Variants in CDK13 observed in about 807,000 individuals in gnomAD.
The protein encoded by CDK13 is cyclin-dependent kinase 13.
In CDK13, 40 loss-of-function variants were observed where a neutral mutation model predicts 137.6. The observed-to-expected ratio is 0.29, with a 90% CI of 0.23 to 0.38. The LOEUF is 0.38. Among genes scored for constraint, CDK13 ranks in the 10% least tolerant of loss-of-function variants. The probability of loss-of-function intolerance (pLI) is 1.00; values close to 1 mark genes in which losing one functional copy is unlikely to be tolerated. For missense variants in CDK13, 1,704 were observed against 1,951.8 expected, an observed-to-expected ratio of 0.87 and a Z score of 2.39; for synonymous variants, 869 against 760.1, an observed-to-expected ratio of 1.14 and a Z score of -2.36.
intron 9 of CDK13, chr7:40,072,313 G>C (rs750110894): frequency 6.6e-6 from 1 of 152,250 alleles, no homozygotes; most frequent in African/African-American, 2.4e-5. Flanking sequence ...TTTCAGTAGA[G>C]ACAGGGTTTT....
intron 5 of CDK13, among the ~76,000 whole-genome samples, chr7:40,029,486 C>T (rs1471676701): frequency 6.6e-6 from 1 of 151,650 alleles, no homozygotes; most frequent in Non-Finnish European, 1.5e-5. Context: ...CTTTGGGAGG[C>T]TGAGGTGGGC....
Position 39,988,010 on chromosome 7 carries a change from A to G in CDK13, c.1623A>G (p.Pro541=). The G allele has an allele frequency of 6.2e-7, 1 of 1,614,116 alleles. No homozygotes were observed. Among genetic ancestry groups the G allele is most frequent in the Non-Finnish European group, 8.5e-7 (1 of 1,179,984 alleles). ...TLKNDKAKTK[P]PLQVTKVENN... ...AAAATGACAAAGCAAAAACAAAGCC[A>G]CCTCTTCAGGTAACGAAGGTGGAAA... Residue 541 remains proline, a synonymous_variant, in exon 2 of 14, where the codon CCA becomes CCG. Transcript: ENST00000181839.
intron 11 of CDK13, 65 bp from the exon 12 acceptor site, chr7:40,088,061 A>G: frequency 1.5e-6 from 2 of 1,373,812 alleles, no homozygotes; most frequent in Non-Finnish European, 2.0e-6. Context: ...TTGTTGCTAT[A>G]TAGTAACTGT....
chr7:39,982,631 A>C (rs1310900782), intron 1 of CDK13, among the ~76,000 whole-genome samples: 2 of 152,210 alleles, frequency 1.3e-5, no homozygotes, highest in East Asian at 1.9e-4. Flanking sequence ...CAGTCACACC[A>C]ACAGTGTAAA....
chr7:40,017,455 G>A (rs955007595), intron 5 of CDK13, among the ~76,000 whole-genome samples: 16 of 152,050 alleles, frequency 1.1e-4, no homozygotes, highest in Admixed American at 2.0e-4. Flanking sequence ...CTGAAGCACA[G>A]TATATTATTG....
chr7:40,083,131 T>C (rs1280588610), intron 11 of CDK13, among the ~76,000 whole-genome samples: 1 of 149,996 alleles, frequency 6.7e-6, no homozygotes, highest in South Asian at 2.1e-4. Flanking sequence ...AAGATTCTAA[T>C]GACCTTCTAG....
chr7:40,031,690 C>T (rs190702497), intron 5 of CDK13, among the ~76,000 whole-genome samples: 3 of 151,922 alleles, frequency 2.0e-5, no homozygotes, highest in Admixed American at 6.6e-5. Context: ...CTGTCATCCA[C>T]GCTGGAGTGT....
chr7:39,967,784 A>T (rs1018623057), intron 1 of CDK13, among the ~76,000 whole-genome samples: 21 of 152,264 alleles, frequency 1.4e-4, no homozygotes, highest in African/African-American at 4.6e-4. Flanking sequence ...AGCCATTCTA[A>T]CAGGTGGGAG....
intron 5 of CDK13, among the ~76,000 whole-genome samples, chr7:40,011,576 ATAT>A (rs1784895258): frequency 4.6e-5 from 7 of 152,330 alleles, no homozygotes; most frequent in Admixed American, 3.9e-4. Context: ...GGATAACTGG[ATAT>A]CCACACACAG....
chr7:39,992,415 C>G (rs1196615548), intron 2 of CDK13, among the ~76,000 whole-genome samples: 1 of 152,016 alleles, frequency 6.6e-6, no homozygotes, highest in Non-Finnish European at 1.5e-5. Flanking sequence ...CCAGGCTGGT[C>G]TCAAACCCCT....
chr7:40,030,039 C>T (rs1025983600), intron 5 of CDK13, among the ~76,000 whole-genome samples: 6 of 152,142 alleles, frequency 3.9e-5, no homozygotes, highest in African/African-American at 1.4e-4. Context: ...ATTGCATCCC[C>T]TACCCCTTTT....
chr7:39,971,898 A>G (rs1784007161), intron 1 of CDK13, among the ~76,000 whole-genome samples: 1 of 150,812 alleles, frequency 6.6e-6, no homozygotes, highest in Non-Finnish European at 1.5e-5. Flanking sequence ...ATGAAAAACA[A>G]AAAAAACAAA....
intron 7 of CDK13, among the ~76,000 whole-genome samples, chr7:40,055,156 CTGTGTGTGTGTGTGTGTG>C (rs56001601): frequency 1.4e-5 from 2 of 140,338 alleles, no homozygotes; most frequent in Non-Finnish European, 3.1e-5. Context: ...GGCAGAAGGA[CTGTGTGTGTGTGTGTGTG>C]TGTGTGTGTG....
Position 39,997,743 on chromosome 7 carries a change from T to C in CDK13, c.2042+79T>C. On this transcript the variant is annotated intron_variant, in intron 3 of 13. Transcript: ENST00000181839. The stretch of plus-strand genomic sequence containing the variant: ...ATCAGAAGTTCATAAAACACTAAAT[T>C]AAGGTTTAAAATAAAAAATGTACTT... The C allele has an allele frequency of 2.9e-6, 3 of 1,051,380 alleles. No individual in the cohort carries two copies. In the South Asian group the frequency reaches 4.3e-5, roughly 15 times the overall value. 65.1% of individuals were successfully genotyped at this position (1,051,380 alleles called of 1,614,324 possible).
Position 39,950,832 on chromosome 7 carries a change from C to T in CDK13, c.191C>T (p.Pro64Leu). The T allele has an allele frequency of 7.2e-7, 1 of 1,390,184 alleles. No homozygotes were observed. Among genetic ancestry groups the T allele is most frequent in the Non-Finnish European group, 9.2e-7 (1 of 1,082,510 alleles). The allele number at this position is 1,390,184 out of a possible 1,614,324, so 86.1% of individuals were successfully genotyped here. A position where few individuals can be genotyped will look rare whatever the true frequency, so the allele number is the denominator to read the frequency against. ...PPPPLLFLAA[P>L]GTAAAAAAAA... ...CCGCCTCTGCTCTTCCTGGCTGCTC[C>T]CGGCACGGCCGCCGCCGCAGCCGCC... Residue 64 changes from proline (P) to leucine (L), a missense_variant, in exon 1 of 14, where the codon CCC (proline) becomes CTC (leucine). Physicochemically the swap from Pro to Leu is moderately conservative, Grantham distance 98 (BLOSUM62 -3). This residue lies in a region of CDK13 where 1,051 missense variants were observed against 931.0 expected (regional missense o/e 1.13). Coordinates refer to ENST00000181839, the MANE Select transcript of CDK13 (RefSeq NM_003718.5).
At chr7:40,058,343 T>G (rs1786065638) in intron 7 of CDK13, among the ~76,000 whole-genome samples, 1 of 152,062 alleles carries the variant, frequency 6.6e-6, no homozygotes, top group East Asian at 1.9e-4. Flanking sequence ...AAGCAAGCAG[T>G]TGATACCTGG....
At chr7:40,037,807 T>A (rs1043567285) in intron 5 of CDK13, among the ~76,000 whole-genome samples, 1 of 152,192 alleles carries the variant, frequency 6.6e-6, no homozygotes, top group Non-Finnish European at 1.5e-5. Context: ...AAAGTAACAA[T>A]GCTGATATTA....
At chr7:40,034,062 A>G (rs1348044089) in intron 5 of CDK13, among the ~76,000 whole-genome samples, 1 of 152,178 alleles carries the variant, frequency 6.6e-6, no homozygotes, top group Non-Finnish European at 1.5e-5. Flanking sequence ...TCATAACTAC[A>G]TATTTTTTTC....
rs191178014 is a variant in CDK13, at chr7:40,044,096, T to G, written c.2354-1740T>G. ...ATTTTTAGTAGAGATGGGGTTTCACTATGTTGGCCAGGCTGGTCTCTAACT... is the reference window on the plus strand; with the variant it reads ...ATTTTTAGTAGAGATGGGGTTTCACGATGTTGGCCAGGCTGGTCTCTAACT... On this transcript the variant is annotated intron_variant, in intron 5 of 13. Transcript: ENST00000181839. Among the ~76,000 whole-genome samples, 31 of 151,530 alleles carry G rather than the reference T, an allele frequency of 2.0e-4. No homozygotes were observed. The East Asian group carries it at 5.4e-3, about 27-fold the overall frequency.
Sources: allele counts gnomAD v4.1 joint callset (sites outside exome capture counted in the v4.1 genomes callset), GRCh38; gene constraint gnomAD v4.1.1; regional missense constraint gnomAD v4.1.1; transcripts MANE v1.5; gene names NCBI Gene and HGNC (gene_info 2026-07-23, HGNC 2026-07-21).